Variants in POU6F1 observed in about 807,000 individuals in gnomAD.
POU6F1 encodes the protein POU domain, class 6, transcription factor 1.
In POU6F1, 9 loss-of-function variants were observed where a neutral mutation model predicts 28.9. That is an observed-to-expected ratio of 0.31 (90% confidence interval 0.19 to 0.54). The LOEUF is 0.54. Among genes scored for constraint, POU6F1 ranks in the 20% least tolerant of loss-of-function variants. POU6F1 has a pLI of 0.94. For missense variants in POU6F1, 338 were observed against 426.1 expected (o/e 0.79, Z 1.82); for synonymous variants, 173 against 171.1 (o/e 1.01, Z -0.09).
chr12:51,192,382 A>G lies in POU6F1; in HGVS notation c.1269T>C (p.Ala423=), dbSNP rs778155844. 1.2e-6 allele frequency: 2 copies of G among 1,614,128 alleles called. No homozygotes were observed. Among genetic ancestry groups the G allele is most frequent in the South Asian group, 2.2e-5 (2 of 91,084 alleles). Residue 423 remains alanine (A), a synonymous_variant, in exon 9 of 11, where the codon GCT becomes GCC. Transcript: ENST00000333640. ...TCTCTGAGCAGGTAATTGGGATAGG[A>G]GCAGAGGCAGATGGCTTGGCGGCTG... is the stretch of plus-strand genomic sequence containing the variant. ...PAPAAKPSAS[A]PIPITCSETP...
intron 1 of POU6F1, among the ~76,000 whole-genome samples, chr12:51,211,062 A>C (rs1017035220): frequency 2.6e-5 from 4 of 152,188 alleles, no homozygotes; most frequent in Non-Finnish European, 5.9e-5. Context: ...GCTTGGTTCC[A>C]GTGACTAGAC....
In POU6F1 at chr12:51,197,806, G is replaced by A. The variant is rs542080450; in HGVS notation, c.810C>T (p.Thr270=). The part of the protein sequence containing the change: ...PKPVDTPPQI[T]VQPAGFAFSP... ...TAAATGCGAAGCCTGCAGGCTGGAC[G>A]GTGATCTGTGGGGGGGTGTCCACTG... The change falls in exon 6 of 11, where the codon ACC becomes ACT. Residue 270 remains threonine, a synonymous_variant. Coordinates refer to ENST00000333640, the MANE Select transcript of POU6F1 (RefSeq NM_001330422.2). 1.4e-4 allele frequency: 55 copies of A among 399,866 alleles called. No homozygotes were observed. Among genetic ancestry groups the A allele is most frequent in the East Asian group, 5.3e-4 (15 of 28,040 alleles). 24.8% of individuals were successfully genotyped at this position (399,866 alleles called of 1,614,324 possible). A position where few individuals can be genotyped will look rare whatever the true frequency, so the allele number is the denominator to read the frequency against.
At chr12:51,214,066 C>T (rs543061041) in intron 1 of POU6F1, among the ~76,000 whole-genome samples, 4 of 151,784 alleles carry the variant, frequency 2.6e-5, no homozygotes, top group South Asian at 2.1e-4. Flanking sequence ...TCGCTTGAAC[C>T]GGGAGGCGGA....
intron 1 of POU6F1, among the ~76,000 whole-genome samples, chr12:51,210,599 G>A (rs1943927229): frequency 6.6e-6 from 1 of 152,178 alleles, no homozygotes; most frequent in Non-Finnish European, 1.5e-5. Flanking sequence ...GTGTTATTAG[G>A]AGGATTCAGG....
At position 51,199,913 on chromosome 12, in the gene POU6F1, C is replaced by T. The variant is rs1216400148; in HGVS notation, c.245-45G>A. 1.3e-5 allele frequency: 5 copies of T among 399,326 alleles called. No individual in the cohort carries two copies. Among genetic ancestry groups the T allele is most frequent in the East Asian group, 3.6e-5 (1 of 28,102 alleles). The allele number at this position is 399,326 out of a possible 1,614,324, so 24.7% of individuals were successfully genotyped here. The stretch of plus-strand genomic sequence containing the variant: ...AAAGAAGGACAAGGAGTGAGCCTGA[C>T]GTGAGTGGAGGGGTCACCACAGCAG... On this transcript the variant is annotated intron_variant, in intron 3 of 10. Transcript: ENST00000333640. The surrounding 1 kb of genome is among the most constrained non-coding windows in gnomAD (Gnocchi z 4.1).
chr12:51,210,226 G>C (rs1366865796), intron 1 of POU6F1, among the ~76,000 whole-genome samples: 1 of 152,134 alleles, frequency 6.6e-6, no homozygotes, highest in Non-Finnish European at 1.5e-5. Flanking sequence ...GAGTTTTTCA[G>C]AGAACTTGGC....
intron 7 of POU6F1, among the ~76,000 whole-genome samples, 158 bp from the exon 8 acceptor site, chr12:51,196,331 C>G (rs1181422129): frequency 6.6e-6 from 1 of 152,202 alleles, no homozygotes; most frequent in Non-Finnish European, 1.5e-5. Flanking sequence ...GATTCACACT[C>G]TAAGGGCTAC....
At chr12:51,210,453 T>G (rs886546917) in intron 1 of POU6F1, among the ~76,000 whole-genome samples, 3 of 152,176 alleles carry the variant, frequency 2.0e-5, no homozygotes, top group African/African-American at 7.2e-5. Context: ...AGCCAATCTT[T>G]GTAGGACAAC....
At chr12:51,195,567 G>A (rs995519589) in intron 8 of POU6F1, among the ~76,000 whole-genome samples, 3 of 152,134 alleles carry the variant, frequency 2.0e-5, no homozygotes, top group Admixed American at 6.5e-5. Context: ...TCAAAGCCAC[G>A]GTGCAGAGTG....
Position 51,196,101 on chromosome 12 carries a change from C to T in POU6F1, c.1048G>A (p.Val350Ile). Residue 350 changes from valine to isoleucine, a missense_variant, in exon 8 of 11, where the codon GTC (valine) becomes ATC (isoleucine). Physicochemically the swap from Val to Ile is conservative, Grantham distance 29 (BLOSUM62 3). Coordinates refer to ENST00000333640, the MANE Select transcript of POU6F1 (RefSeq NM_001330422.2). ...AAPAPAQSLQVQAVTPQLLLN... is the reference protein window; with the variant it reads ...AAPAPAQSLQIQAVTPQLLLN... Reference sequence around the variant, plus strand: ...AACAGCTGGGGGGTCACGGCCTGGACCTGCAGGCTTTGGGCTGGTGCTGGG... The same window carrying T: ...AACAGCTGGGGGGTCACGGCCTGGATCTGCAGGCTTTGGGCTGGTGCTGGG... 6.3e-7 allele frequency: 1 copy of T among 1,598,572 alleles called. No homozygotes were observed. The highest frequency in any genetic ancestry group is 8.5e-7 in the Non-Finnish European group (1 of 1,173,074).
In POU6F1 at chr12:51,187,710, A is replaced by C. The variant is rs1942112473; in HGVS notation, c.*2537T>G. On this transcript the variant is annotated 3_prime_UTR_variant, in exon 11 of 11. Transcript: ENST00000333640. ...AGCTTTGGGAAGACAAATTTAAATG[A>C]GGGAGGGGCTGAGAAAGCATGGCCA... The C allele has an allele frequency of 2.6e-5, 4 of 152,226 alleles. No homozygotes were observed. Among genetic ancestry groups the C allele is most frequent in the Admixed American group, 2.6e-4 (4 of 15,278 alleles). 9.4% of individuals were successfully genotyped at this position (152,226 alleles called of 1,614,324 possible). A position where few individuals can be genotyped will look rare whatever the true frequency, so the allele number is the denominator to read the frequency against.
rs916421043 is a variant in POU6F1 at position 51,217,363 on chromosome 12, C to A, written c.-48+279G>T. Among the ~76,000 whole-genome samples, 8 of 152,112 alleles carry A rather than the reference C, an allele frequency of 5.3e-5. No homozygotes were observed. The highest frequency in any genetic ancestry group is 1.9e-4 in the African/African-American group (8 of 41,446). ...ACCGGGTCCACCTGGCGGCCGCCCC[C>A]TCCGCTCCAGGTCCAGAGCGGCCCG... On this transcript the variant is annotated intron_variant, in intron 1 of 10. Transcript: ENST00000333640. The surrounding 1 kb of genome is among the most constrained non-coding windows in gnomAD (Gnocchi z 5.3).
chr12:51,193,105 T>A (rs1189361101), intron 8 of POU6F1, among the ~76,000 whole-genome samples: 1 of 152,218 alleles, frequency 6.6e-6, no homozygotes, highest in Non-Finnish European at 1.5e-5. Flanking sequence ...TTGGGATAAC[T>A]GCTTCCAAAT....
chr12:51,195,852 A>G, intron 8 of POU6F1, 118 bp downstream of exon 8: 1 of 1,181,392 alleles, frequency 8.5e-7, no homozygotes, highest in Non-Finnish European at 1.2e-6. Flanking sequence ...CACTTTAGGA[A>G]GCGCCCTGCA....
intron 3 of POU6F1, among the ~76,000 whole-genome samples, chr12:51,200,744 G>A (rs1362571005): frequency 6.6e-6 from 1 of 152,110 alleles, no homozygotes; most frequent in African/African-American, 2.4e-5. Context: ...CTGGAGTGCA[G>A]TGGTGTGACT....
In POU6F1 at chr12:51,217,281, C is replaced by T. The variant is rs971955323; in HGVS notation, c.-48+361G>A. On this transcript the variant is annotated intron_variant, in intron 1 of 10. Transcript: ENST00000333640. This position sits in a 1 kb window ranked among gnomAD's most constrained non-coding sequence, Gnocchi z 5.3. ...TGTGTACAGAGCGTCCCCTGTGGTCCGCACCCCACAAGGGCTCCAGGGGCA... is the reference window on the plus strand; with the variant it reads ...TGTGTACAGAGCGTCCCCTGTGGTCTGCACCCCACAAGGGCTCCAGGGGCA... Among the ~76,000 whole-genome samples the T allele has an allele frequency of 3.3e-5, 5 of 152,182 alleles. No homozygotes were observed. Among genetic ancestry groups the T allele is most frequent in the African/African-American group, 1.2e-4 (5 of 41,460 alleles).
chr12:51,213,802 G>A (rs1203800769), intron 1 of POU6F1, among the ~76,000 whole-genome samples: 2 of 151,716 alleles, frequency 1.3e-5, no homozygotes, highest in African/African-American at 4.8e-5. Flanking sequence ...AAAGTTCTGG[G>A]ATTACAGGCG....
chr12:51,196,179 A>G lies in POU6F1; in HGVS notation c.976-6T>C, dbSNP rs1185596982. 1 of 1,500,452 alleles carries G rather than the reference A, an allele frequency of 6.7e-7. No homozygotes were observed. Among genetic ancestry groups the G allele is most frequent in the Admixed American group, 2.4e-5 (1 of 41,644 alleles). 92.9% of individuals were successfully genotyped at this position (1,500,452 alleles called of 1,614,324 possible). Reference sequence around the variant, plus strand: ...CATGGAAGGGTTCCAATAACCTGGGAGGAAATAAGGCAGGGACCCCAGGTG... The same window carrying G: ...CATGGAAGGGTTCCAATAACCTGGGGGGAAATAAGGCAGGGACCCCAGGTG... On this transcript the variant is annotated splice_region_variant and splice_polypyrimidine_tract_variant and intron_variant, in intron 7 of 10. Coordinates refer to ENST00000333640, the MANE Select transcript of POU6F1 (RefSeq NM_001330422.2).
Position 51,199,553 on chromosome 12 carries a change from C to G in POU6F1, c.366+194G>C, listed in dbSNP as rs1028522759. 2.0e-5 allele frequency among the ~76,000 whole-genome samples: 3 copies of G among 152,200 alleles called. No homozygotes were observed. The highest frequency in any genetic ancestry group is 7.2e-5 in the African/African-American group (3 of 41,442). On this transcript the variant is annotated intron_variant, in intron 4 of 10. Coordinates refer to ENST00000333640, the MANE Select transcript of POU6F1 (RefSeq NM_001330422.2). This position sits in a 1 kb window ranked among gnomAD's most constrained non-coding sequence, Gnocchi z 4.1. ...AGATGATTCTGCAAATGTAGATCCC[C>G]TTTTCCAAATGGGCCTGATCTAGGC...
Sources: allele counts gnomAD v4.1 joint callset (sites outside exome capture counted in the v4.1 genomes callset), GRCh38; gene constraint gnomAD v4.1.1; non-coding constraint Gnocchi (gnomAD v3.1); transcripts MANE v1.5; gene names NCBI Gene and HGNC (gene_info 2026-07-23, HGNC 2026-07-21).